FAR1: variants seen among roughly 807,000 people sequenced by gnomAD.
The protein encoded by FAR1 is male sterility domain-containing protein 2.
In FAR1, 22 loss-of-function variants were observed where a neutral mutation model predicts 61.1. The observed-to-expected ratio is 0.36, with a 90% CI of 0.26 to 0.51. FAR1 has a LOEUF of 0.51. Among genes scored for constraint, FAR1 ranks in the 20% least tolerant of loss-of-function variants. The pLI is 0.95. For missense variants in FAR1, 359 were observed against 626.9 expected (o/e 0.57, Z 4.56); for synonymous variants, 206 against 209.7 (o/e 0.98, Z 0.15).
At chr11:13,727,475 C>A in intron 10 of FAR1, 81 bp from the exon 11 acceptor site, 4 of 1,328,716 alleles carry the variant, frequency 3.0e-6, no homozygotes, top group Non-Finnish European at 4.1e-6. Flanking sequence ...TGGAACTGGC[C>A]TTTAGAAAAA....
intron 3 of FAR1, among the ~76,000 whole-genome samples, chr11:13,704,130 G>A (rs1848408304): frequency 6.6e-6 from 1 of 151,886 alleles, no homozygotes. Context: ...TCTGGCATAA[G>A]GGAAGGTACT....
chr11:13,672,901 C>T (rs773872805), intron 1 of FAR1, among the ~76,000 whole-genome samples: 7 of 152,064 alleles, frequency 4.6e-5, no homozygotes, highest in Middle Eastern at 3.2e-3. Context: ...TAAAAAAACC[C>T]AACAAACCAC....
rs769544089 is a variant in FAR1, at chr11:13,694,726, T to A, written c.-7-33T>A. On this transcript the variant is annotated intron_variant, in intron 1 of 11. Coordinates refer to ENST00000354817, the MANE Select transcript of FAR1 (RefSeq NM_032228.6). ...GTATGAAAGAATGATGGTGAATCCTTAAACTAATGCTTATTTGCCATGTTT... is the reference window on the plus strand; with the variant it reads ...GTATGAAAGAATGATGGTGAATCCTAAAACTAATGCTTATTTGCCATGTTT... 2.3e-5 allele frequency: 36 copies of A among 1,542,926 alleles called. No individual in the cohort carries two copies. In the South Asian group the frequency reaches 4.2e-4, roughly 18 times the overall value.
chr11:13,711,831 T>G, intron 6 of FAR1, 23 bp downstream of exon 6: 1 of 1,584,708 alleles, frequency 6.3e-7, no homozygotes, highest in South Asian at 1.1e-5. Context: ...TTTGATTTAT[T>G]TAATATTCTA....
At chr11:13,719,208 C>T (rs151304779) in intron 9 of FAR1, among the ~76,000 whole-genome samples, 12 of 152,180 alleles carry the variant, frequency 7.9e-5, no homozygotes, top group Admixed American at 7.2e-4. Flanking sequence ...AAATAGGAAA[C>T]GTTAAGGAAA....
intron 1 of FAR1, among the ~76,000 whole-genome samples, chr11:13,680,399 A>G (rs1208922809): frequency 1.3e-5 from 2 of 152,122 alleles, no homozygotes; most frequent in Admixed American, 6.5e-5. Context: ...GGCTCAGAGG[A>G]TGTTTTCTTT....
At position 13,700,500 on chromosome 11, in the gene FAR1, C is replaced by G; in HGVS notation, c.365+8C>G. On this transcript the variant is annotated splice_region_variant and intron_variant, in intron 3 of 11. Coordinates refer to ENST00000354817, the MANE Select transcript of FAR1 (RefSeq NM_032228.6). Reference sequence around the variant, plus strand: ...GTTTAATGAAAATTTAAGGTAAGTACAAGTAATTATATAATATTTGAACTT... The same window carrying G: ...GTTTAATGAAAATTTAAGGTAAGTAGAAGTAATTATATAATATTTGAACTT... The G allele has an allele frequency of 7.0e-7, 1 of 1,427,610 alleles. No individual in the cohort carries two copies. The highest frequency in any genetic ancestry group is 9.4e-7 in the Non-Finnish European group (1 of 1,067,434). 88.4% of individuals were successfully genotyped at this position (1,427,610 alleles called of 1,614,324 possible). A position where few individuals can be genotyped will look rare whatever the true frequency, so the allele number is the denominator to read the frequency against.
Position 13,713,020 on chromosome 11 carries a change from C to T in FAR1, c.942C>T (p.His314=). The change falls in exon 8 of 12, where the codon CAC becomes CAT. Residue 314 remains histidine, a synonymous_variant. Transcript: ENST00000354817. ...NCTTGSTNPF[H]WGEVEYHVIS... is the part of the protein sequence containing the mutation. ...CAACAGGCAGCACTAATCCTTTCCA[C>T]TGGGGTGAAGTTGGTATGATTTTAC... 2 of 1,612,750 alleles carry T rather than the reference C, an allele frequency of 1.2e-6. No individual in the cohort carries two copies. Among genetic ancestry groups the T allele is most frequent in the Non-Finnish European group, 1.7e-6 (2 of 1,178,924 alleles).
intron 4 of FAR1, among the ~76,000 whole-genome samples, chr11:13,709,742 A>G (rs1439889771): frequency 1.3e-5 from 2 of 152,064 alleles, no homozygotes; most frequent in Non-Finnish European, 1.5e-5. Flanking sequence ...CCTTTCATAT[A>G]CAAAAAGTAC....
At chr11:13,713,075 A>T (rs1848517236) in intron 8 of FAR1, 42 bp downstream of exon 8, 1 of 1,557,990 alleles carries the variant, frequency 6.4e-7, no homozygotes, top group African/African-American at 1.4e-5. Context: ...AATAAATCTT[A>T]AAGAACCAAG....
chr11:13,688,897 T>G (rs1295430274), intron 1 of FAR1, among the ~76,000 whole-genome samples: 1 of 152,154 alleles, frequency 6.6e-6, no homozygotes, highest in African/African-American at 2.4e-5. Context: ...TGGGCTCAAG[T>G]GATCCCTCTG....
At chr11:13,689,407 C>CT (rs1848223737) in intron 1 of FAR1, among the ~76,000 whole-genome samples, 1 of 152,288 alleles carries the variant, frequency 6.6e-6, no homozygotes, top group African/African-American at 2.4e-5. Context: ...GTAGTACACA[C>CT]TTTTTTACCT....
chr11:13,709,338 A>G (rs1311595395), intron 4 of FAR1, among the ~76,000 whole-genome samples: 2 of 151,692 alleles, frequency 1.3e-5, no homozygotes, highest in Non-Finnish European at 3.0e-5. Flanking sequence ...GGTCCCAAAT[A>G]TCTACTTCAT....
chr11:13,687,259 G>A (rs940165196), intron 1 of FAR1, among the ~76,000 whole-genome samples: 7 of 152,154 alleles, frequency 4.6e-5, no homozygotes, highest in Admixed American at 1.3e-4. Flanking sequence ...AAAAGATAAG[G>A]TGTGTTTTGA....
At chr11:13,708,567 A>G (rs80175628) in intron 4 of FAR1, among the ~76,000 whole-genome samples, 154 of 152,122 alleles carry the variant, frequency 1.0e-3, no homozygotes, top group African/African-American at 3.4e-3. Flanking sequence ...AATGAAGTCA[A>G]TGTGTAGTTT....
At chr11:13,727,760 T>A in intron 11 of FAR1, 77 bp downstream of exon 11, 1 of 1,330,244 alleles carries the variant, frequency 7.5e-7, no homozygotes, top group Non-Finnish European at 1.0e-6. Flanking sequence ...TAAACTGGTA[T>A]ATTTGCTATA....
intron 10 of FAR1, among the ~76,000 whole-genome samples, chr11:13,722,218 A>G (rs1591272133): frequency 6.6e-6 from 1 of 152,176 alleles, no homozygotes; most frequent in Admixed American, 6.5e-5. Flanking sequence ...TGTTTTTTAT[A>G]AACTCTTTTA....
At chr11:13,701,375 G>A (rs895972134) in intron 3 of FAR1, among the ~76,000 whole-genome samples, 5 of 151,990 alleles carry the variant, frequency 3.3e-5, no homozygotes, top group African/African-American at 7.2e-5. Context: ...TCAAAACACC[G>A]CTATGTATCT....
intron 1 of FAR1, among the ~76,000 whole-genome samples, chr11:13,693,648 T>C (rs1848277721): frequency 6.6e-6 from 1 of 152,184 alleles, no homozygotes; most frequent in Non-Finnish European, 1.5e-5. Context: ...TTCTCCCAGG[T>C]TCCATTTAGG....
Sources: allele counts gnomAD v4.1 joint callset (sites outside exome capture counted in the v4.1 genomes callset), GRCh38; gene constraint gnomAD v4.1.1; transcripts MANE v1.5; gene names NCBI Gene and HGNC (gene_info 2026-07-23, HGNC 2026-07-21).